The following TCAIM variants were observed in gnomAD, a reference collection of about 807,000 sequenced individuals.
TCAIM encodes T cell activation inhibitor, mitochondrial, also known as T-cell activation inhibitor, mitochondrial.
A neutral mutation model predicts 58.6 loss-of-function variants in TCAIM; 36 were observed. That is an observed-to-expected ratio of 0.61 (90% CI 0.47 to 0.81). The LOEUF (loss-of-function observed/expected upper bound fraction) is 0.81. Ranked by LOEUF, TCAIM falls within the 30% of genes least tolerant of loss-of-function variation. The probability of loss-of-function intolerance (pLI) is 0.00; values close to 1 mark genes in which losing one functional copy is unlikely to be tolerated. For missense variants in TCAIM, 466 were observed against 579.6 expected, an observed-to-expected ratio of 0.80 and a Z score of 2.01; for synonymous variants, 172 against 193.6, an observed-to-expected ratio of 0.89 and a Z score of 0.93.
At chr3:44,376,818 G>GT (rs1389610460) in intron 5 of TCAIM, among the ~76,000 whole-genome samples, 2 of 152,248 alleles carry the variant, frequency 1.3e-5, no homozygotes, top group African/African-American at 4.8e-5. Flanking sequence ...GCCGGGCGAG[G>GT]TGGCTCACGC....
At chr3:44,383,190 A>C (rs771495460) in intron 5 of TCAIM, among the ~76,000 whole-genome samples, 13 of 152,222 alleles carry the variant, frequency 8.5e-5, no homozygotes, top group South Asian at 2.1e-4. Flanking sequence ...GATTCCTCAA[A>C]AACTTAAATA....
At chr3:44,354,611 A>G in intron 1 of TCAIM, 128 bp from the exon 2 acceptor site, 1 of 586,028 alleles carries the variant, frequency 1.7e-6, no homozygotes, top group Non-Finnish European at 2.8e-6. Context: ...TTCCTTATCT[A>G]GATCTTATAC....
chr3:44,344,554 C>T (rs146004998), intron 1 of TCAIM, among the ~76,000 whole-genome samples: 2 of 152,248 alleles, frequency 1.3e-5, no homozygotes, highest in Non-Finnish European at 1.5e-5. Flanking sequence ...GGCAAGATAG[C>T]CCTCTGGGGC....
Position 44,361,513 on chromosome 3 carries a change from C to T in TCAIM, c.314C>T (p.Thr105Ile). 6.3e-7 allele frequency: 1 copy of T among 1,589,406 alleles called. No individual in the cohort carries two copies. The highest frequency in any genetic ancestry group is 8.5e-7 in the Non-Finnish European group (1 of 1,171,690). The change falls in exon 4 of 11, where the codon ACT (threonine) becomes ATT (isoleucine). Residue 105 changes from threonine to isoleucine, a missense_variant. By Grantham distance (89) the Thr-to-Ile change is moderately conservative (BLOSUM62 -1). Coordinates refer to ENST00000342649, the MANE Select transcript of TCAIM (RefSeq NM_173826.4). The stretch of plus-strand genomic sequence containing the variant: ...TCCGATGGCCAGGAACCTTTTAGTA[C>T]TTCCGGTACGTTTTTTATTTCTGGT... The part of the protein sequence containing the change: ...SSSDGQEPFS[T>I]SGFRAVKFTL...
At chr3:44,339,921 C>T (rs1454849820) in intron 1 of TCAIM, 1 of 152,178 alleles carries the variant, frequency 6.6e-6, no homozygotes. Context: ...AGGACCTGGC[C>T]CATAAGTGGT....
intron 1 of TCAIM, among the ~76,000 whole-genome samples, chr3:44,346,680 G>A (rs1260299352): frequency 6.6e-6 from 1 of 152,210 alleles, no homozygotes; most frequent in East Asian, 1.9e-4. Context: ...GGAGTGAGTT[G>A]AGCATAGTTT....
chr3:44,357,812 A>G lies in TCAIM; in HGVS notation c.101A>G (p.Asn34Ser), dbSNP rs1235458537. 1.2e-6 allele frequency: 2 copies of G among 1,614,198 alleles called. No homozygotes were observed. Among genetic ancestry groups the G allele is most frequent in the South Asian group, 1.1e-5 (1 of 91,086 alleles). Residue 34 changes from asparagine (N) to serine (S), a missense_variant, in exon 3 of 11, where the codon AAT (asparagine) becomes AGT (serine). Asn to Ser is a conservative substitution (Grantham distance 46, BLOSUM62 1). Transcript: ENST00000342649. ...SRALSGAEAV[N>S]ALRPFYFAVH... Reference sequence around the variant, plus strand: ...GCTTTATCGGGAGCTGAAGCAGTCAATGCCTTGAGGCCTTTCTATTTTGCA... The same window carrying G: ...GCTTTATCGGGAGCTGAAGCAGTCAGTGCCTTGAGGCCTTTCTATTTTGCA...
intron 5 of TCAIM, among the ~76,000 whole-genome samples, chr3:44,372,358 G>A (rs533265166): frequency 6.6e-6 from 1 of 152,240 alleles, no homozygotes; most frequent in South Asian, 2.1e-4. Flanking sequence ...GTGCCTATAA[G>A]TCTACTAAAA....
At chr3:44,386,836 G>A (rs762143317) in intron 5 of TCAIM, among the ~76,000 whole-genome samples, 5 of 152,242 alleles carry the variant, frequency 3.3e-5, no homozygotes, top group Non-Finnish European at 7.3e-5. Flanking sequence ...TACCATGGAC[G>A]GCATGTTGAT....
intron 9 of TCAIM, 169 bp from the exon 10 acceptor site, chr3:44,401,031 TGAA>T (rs1559585183): frequency 7.5e-6 from 7 of 936,232 alleles, no homozygotes; most frequent in Non-Finnish European, 1.1e-5. Context: ...CGTGATCTTC[TGAA>T]GAAGTGTGTC....
At chr3:44,348,658 G>A (rs1300939244) in intron 1 of TCAIM, among the ~76,000 whole-genome samples, 3 of 152,182 alleles carry the variant, frequency 2.0e-5, no homozygotes, top group Non-Finnish European at 4.4e-5. Flanking sequence ...TCCTGTTGTG[G>A]GGTTTGAGGG....
intron 5 of TCAIM, among the ~76,000 whole-genome samples, chr3:44,384,643 A>G (rs1236768539): frequency 6.6e-6 from 1 of 152,220 alleles, no homozygotes; most frequent in African/African-American, 2.4e-5. Context: ...TCCAGTTTTC[A>G]TAGTTTTTGC....
At chr3:44,394,268 T>C (rs1255798312) in intron 6 of TCAIM, among the ~76,000 whole-genome samples, 1 of 152,242 alleles carries the variant, frequency 6.6e-6, no homozygotes, top group Non-Finnish European at 1.5e-5. Flanking sequence ...TAGACTTCCA[T>C]GTGTGGAATG....
chr3:44,347,382 C>A (rs1163006718), intron 1 of TCAIM, among the ~76,000 whole-genome samples: 3 of 152,172 alleles, frequency 2.0e-5, no homozygotes, highest in Non-Finnish European at 4.4e-5. Flanking sequence ...GTAATGGGGG[C>A]TGTCCCTGAA....
At chr3:44,358,836 A>G (rs1291947371) in intron 3 of TCAIM, 1 of 985,406 alleles carries the variant, frequency 1.0e-6, no homozygotes, top group Non-Finnish European at 1.2e-6. Flanking sequence ...TGAAAATTAG[A>G]ACATCGTTAT....
At chr3:44,348,727 C>T (rs572400622) in intron 1 of TCAIM, among the ~76,000 whole-genome samples, 42 of 152,230 alleles carry the variant, frequency 2.8e-4, no homozygotes, top group African/African-American at 1.0e-3. Flanking sequence ...TAATAAAATG[C>T]ATATTGAGAA....
intron 4 of TCAIM, chr3:44,362,416 T>C (rs1283517054): frequency 1.0e-5 from 4 of 400,788 alleles, no homozygotes; most frequent in Admixed American, 4.4e-5. Flanking sequence ...CCCCCGGCTC[T>C]CAGGACTTCA....
intron 2 of TCAIM, among the ~76,000 whole-genome samples, chr3:44,357,461 T>C (rs967299781): frequency 2.0e-5 from 3 of 152,218 alleles, no homozygotes; most frequent in African/African-American, 4.8e-5. Flanking sequence ...AAAATTGTTA[T>C]CATTTGCAGT....
chr3:44,342,886 C>T (rs1463259862), intron 1 of TCAIM, among the ~76,000 whole-genome samples: 1 of 152,010 alleles, frequency 6.6e-6, no homozygotes, highest in East Asian at 1.9e-4. Flanking sequence ...CTTGTAATCT[C>T]AGCACTTTGG....
Sources: allele counts gnomAD v4.1 joint callset (sites outside exome capture counted in the v4.1 genomes callset), GRCh38; gene constraint gnomAD v4.1.1; transcripts MANE v1.5; gene names NCBI Gene and HGNC (gene_info 2026-07-23, HGNC 2026-07-21).